Variants in WWOX observed in about 807,000 individuals in gnomAD.
WWOX encodes WW domain-containing oxidoreductase.
Under a neutral mutation model 46.2 loss-of-function variants are expected in WWOX, and 69 were observed. That is an observed-to-expected ratio of 1.49 (90% CI 1.23 to 1.82). WWOX has a LOEUF of 1.82. WWOX is among the 40% of genes most tolerant of loss of function. The pLI, the probability that WWOX is intolerant of heterozygous loss-of-function variation, is 0.00. For synonymous variants in WWOX, 359 were observed against 202.6 expected, an observed-to-expected ratio of 1.77 and a Z score of -6.56; for missense variants, 919 against 542.6, an observed-to-expected ratio of 1.69 and a Z score of -6.89.
chr16:78,533,904 G>A (rs780856283), intron 8 of WWOX, among the ~76,000 whole-genome samples: 1 of 152,144 alleles, frequency 6.6e-6, no homozygotes, highest in African/African-American at 2.4e-5. Context: ...TGTCCATCTT[G>A]TTAACAGTTG....
In WWOX at chr16:78,336,169, G is replaced by A. The variant is rs2080883709; in HGVS notation, c.517-50691G>A. 2.0e-5 allele frequency among the ~76,000 whole-genome samples: 3 copies of A among 151,962 alleles called. No homozygotes were observed. In the South Asian group the frequency reaches 6.2e-4, roughly 32 times the overall value. On this transcript the variant is annotated intron_variant, in intron 5 of 8. Coordinates refer to ENST00000566780, the MANE Select transcript of WWOX (RefSeq NM_016373.4). ...GGTGATGTTGATGCTACTTGTCTTG[G>A]CCAATGAAATGAAAAGCCTACAGGC...
At chr16:78,850,368 T>TTA (rs2052411926) in intron 8 of WWOX, among the ~76,000 whole-genome samples, 1 of 152,162 alleles carries the variant, frequency 6.6e-6, no homozygotes, top group Non-Finnish European at 1.5e-5. Flanking sequence ...TCACTTAACA[T>TTA]TATAGCACAA....
intron 5 of WWOX, among the ~76,000 whole-genome samples, chr16:78,369,514 A>C (rs1268610264): frequency 6.6e-6 from 1 of 152,210 alleles, no homozygotes; most frequent in Non-Finnish European, 1.5e-5. Context: ...CATGCAACCA[A>C]GGAGGGGCAG....
At chr16:78,696,555 C>T (rs1365001510) in intron 8 of WWOX, among the ~76,000 whole-genome samples, 3 of 152,160 alleles carry the variant, frequency 2.0e-5, no homozygotes, top group Non-Finnish European at 4.4e-5. Context: ...CTGCAGCTCC[C>T]AGTGATCACA....
At chr16:78,411,114 T>A (rs947603062) in intron 6 of WWOX, among the ~76,000 whole-genome samples, 1 of 152,138 alleles carries the variant, frequency 6.6e-6, no homozygotes, top group Non-Finnish European at 1.5e-5. Context: ...TTGTCCATGA[T>A]TTTTTCTATA....
intron 8 of WWOX, among the ~76,000 whole-genome samples, chr16:79,032,070 T>C (rs1026712352): frequency 5.6e-5 from 8 of 144,094 alleles, no homozygotes; most frequent in Non-Finnish European, 7.6e-5. Flanking sequence ...ATATATATAT[T>C]ATATATATAT....
At chr16:78,695,470 C>G (rs1204119745) in intron 8 of WWOX, among the ~76,000 whole-genome samples, 1 of 152,152 alleles carries the variant, frequency 6.6e-6, no homozygotes, top group Non-Finnish European at 1.5e-5. Flanking sequence ...AGAAGCTTGT[C>G]TTTCATGATA....
At chr16:79,163,392 G>A (rs998295815) in intron 8 of WWOX, among the ~76,000 whole-genome samples, 5 of 152,178 alleles carry the variant, frequency 3.3e-5, no homozygotes, top group African/African-American at 7.2e-5. Flanking sequence ...AGTAGGAATC[G>A]TCATTAAGGC....
At chr16:79,081,915 G>A (rs970193104) in intron 8 of WWOX, among the ~76,000 whole-genome samples, 1 of 152,140 alleles carries the variant, frequency 6.6e-6, no homozygotes, top group African/African-American at 2.4e-5. Context: ...CACTCACAGT[G>A]AAACCGTAGC....
At chr16:78,767,980 T>C (rs1393366841) in intron 8 of WWOX, among the ~76,000 whole-genome samples, 1 of 152,232 alleles carries the variant, frequency 6.6e-6, no homozygotes, top group Non-Finnish European at 1.5e-5. Flanking sequence ...TAGTACTGTT[T>C]AGAAGTTGAG....
intron 8 of WWOX, among the ~76,000 whole-genome samples, chr16:78,566,218 T>G (rs949385963): frequency 1.3e-5 from 2 of 152,124 alleles, no homozygotes; most frequent in African/African-American, 4.8e-5. Context: ...TTGAAATTAG[T>G]CACCTCCCAA....
chr16:78,340,875 T>C (rs2080999957), intron 5 of WWOX, among the ~76,000 whole-genome samples: 1 of 119,240 alleles, frequency 8.4e-6, no homozygotes, highest in Non-Finnish European at 2.0e-5. Context: ...CTCACCTGTT[T>C]ATGTTCTCTT....
chr16:79,154,631 T>TA (rs1198263513), intron 8 of WWOX, among the ~76,000 whole-genome samples: 9 of 152,024 alleles, frequency 5.9e-5, no homozygotes, highest in South Asian at 4.1e-4. Context: ...TTGCAACATT[T>TA]AAAAAAAATA....
intron 5 of WWOX, among the ~76,000 whole-genome samples, chr16:78,218,262 T>C (rs1242480476): frequency 6.6e-6 from 1 of 152,044 alleles, no homozygotes; most frequent in Non-Finnish European, 1.5e-5. Context: ...TGTTTATATA[T>C]ATATATTTGT....
chr16:78,578,280 A>ATTTTTTTTTTTTTTTT (rs1433554555), intron 8 of WWOX, among the ~76,000 whole-genome samples: 2 of 35,438 alleles, frequency 5.6e-5, no homozygotes, highest in African/African-American at 2.8e-4. Context: ...ATATATATAT[A>ATTTTTTTTTTTTTTTT]TATATTTTTT....
At chr16:78,706,274 G>T (rs149690689) in intron 8 of WWOX, among the ~76,000 whole-genome samples, 1 of 151,914 alleles carries the variant, frequency 6.6e-6, no homozygotes, top group African/African-American at 2.4e-5. Flanking sequence ...TTGTCTGTCT[G>T]TGTCTGTCAG....
chr16:78,749,850 A>G (rs1229403587), intron 8 of WWOX, among the ~76,000 whole-genome samples: 1 of 152,222 alleles, frequency 6.6e-6, no homozygotes, highest in Non-Finnish European at 1.5e-5. Context: ...GCTGACAACC[A>G]CATCCTGGGT....
At chr16:78,217,177 C>T (rs183384932) in intron 5 of WWOX, among the ~76,000 whole-genome samples, 20 of 152,342 alleles carry the variant, frequency 1.3e-4, no homozygotes, top group South Asian at 1.0e-3. Context: ...TCTACCACAA[C>T]GTGAGAGCCC....
At chr16:79,205,911 T>C (rs1010744648) in intron 8 of WWOX, 1 of 152,184 alleles carries the variant, frequency 6.6e-6, no homozygotes, top group African/African-American at 2.4e-5. Flanking sequence ...TTGTGTCCAC[T>C]TCACTTGTAT....
Sources: gnomAD v4.1 joint callset for allele counts (sites outside exome capture counted in the v4.1 genomes callset) on GRCh38, gnomAD v4.1.1 for gene constraint, MANE v1.5 for transcripts, NCBI Gene and HGNC (gene_info 2026-07-23, HGNC 2026-07-21) for gene names.